The following CNTN4 variants were observed in gnomAD, a reference collection of about 807,000 sequenced individuals.
The protein encoded by CNTN4 is contactin-4.
CNTN4 carries 77 observed loss-of-function variants against 122.5 expected under a neutral mutation model. That is an observed-to-expected ratio of 0.63 (90% CI 0.52 to 0.76). CNTN4 has a LOEUF of 0.76. Ranked by LOEUF, CNTN4 falls within the 30% of genes least tolerant of loss-of-function variation. The pLI is 0.00. For synonymous variants in CNTN4, 512 were observed against 447.0 expected (o/e 1.15, Z -1.83); for missense variants, 1,256 against 1,259.1 (o/e 1.00, Z 0.04).
chr3:2,531,901 G>A (rs930859292), intron 3 of CNTN4, among the ~76,000 whole-genome samples: 4 of 152,136 alleles, frequency 2.6e-5, no homozygotes, highest in Non-Finnish European at 4.4e-5. Flanking sequence ...GGCAGTGTTC[G>A]CTCTAATACT....
intron 7 of CNTN4, among the ~76,000 whole-genome samples, chr3:2,831,661 G>T (rs2093108127): frequency 6.6e-6 from 1 of 152,154 alleles, no homozygotes; most frequent in Non-Finnish European, 1.5e-5. Flanking sequence ...CCCTGGAAAG[G>T]AGTTGTGTCA....
chr3:2,225,644 C>T (rs971531003), intron 2 of CNTN4, among the ~76,000 whole-genome samples: 2 of 152,208 alleles, frequency 1.3e-5, no homozygotes, highest in African/African-American at 4.8e-5. Flanking sequence ...GCATGGGCCT[C>T]TTCCACAAGC....
chr3:2,233,162 C>CAT (rs1262283284), intron 2 of CNTN4, among the ~76,000 whole-genome samples: 1 of 152,228 alleles, frequency 6.6e-6, no homozygotes, highest in African/African-American at 2.4e-5. Flanking sequence ...AGTTATTAAA[C>CAT]ATATACCCAC....
At chr3:2,295,801 A>G (rs2150031122) in intron 2 of CNTN4, among the ~76,000 whole-genome samples, 1 of 152,098 alleles carries the variant, frequency 6.6e-6, no homozygotes, top group East Asian at 1.9e-4. Flanking sequence ...TAGGGTTTTT[A>G]TGTTTTTAGG....
chr3:2,984,278 G>A (rs553025758), intron 13 of CNTN4, among the ~76,000 whole-genome samples: 1 of 152,140 alleles, frequency 6.6e-6, no homozygotes, highest in African/African-American at 2.4e-5. Flanking sequence ...TTAAGTTAAC[G>A]AAATTTTCAC....
At chr3:2,331,765 G>T (rs1054717735) in intron 2 of CNTN4, among the ~76,000 whole-genome samples, 2 of 152,170 alleles carry the variant, frequency 1.3e-5, no homozygotes, top group African/African-American at 4.8e-5. Flanking sequence ...TCAAGACCCC[G>T]AGTTTTGGGT....
intron 4 of CNTN4, among the ~76,000 whole-genome samples, chr3:2,651,808 T>G (rs938166350): frequency 6.6e-6 from 1 of 151,416 alleles, no homozygotes; most frequent in African/African-American, 2.4e-5. Flanking sequence ...GTTCAAGCAA[T>G]TTTCCCTACT....
At chr3:2,459,565 G>A (rs190812924) in intron 3 of CNTN4, among the ~76,000 whole-genome samples, 4 of 152,152 alleles carry the variant, frequency 2.6e-5, no homozygotes, top group Admixed American at 2.0e-4. Flanking sequence ...AGCAACTCTC[G>A]TGATATGGCC....
intron 3 of CNTN4, among the ~76,000 whole-genome samples, chr3:2,353,934 A>C (rs1413493406): frequency 6.6e-6 from 1 of 151,676 alleles, no homozygotes; most frequent in Non-Finnish European, 1.5e-5. Flanking sequence ...AACAAAAAAA[A>C]CATAAAGGAG....
chr3:2,778,213 CAAATAAAT>C (rs60613605), intron 6 of CNTN4, among the ~76,000 whole-genome samples: 11,132 of 115,896 alleles, frequency 0.096, 577 homozygotes, highest in East Asian at 0.23. Flanking sequence ...GACTCCGTCT[CAAATAAAT>C]AAATAAATAA....
chr3:2,793,587 T>G (rs1284678377), intron 6 of CNTN4, among the ~76,000 whole-genome samples: 4 of 152,198 alleles, frequency 2.6e-5, no homozygotes, highest in Non-Finnish European at 5.9e-5. Context: ...CAGTTCTTAA[T>G]CACTGCTATT....
At chr3:2,262,173 C>T (rs1006053249) in intron 2 of CNTN4, among the ~76,000 whole-genome samples, 5 of 152,124 alleles carry the variant, frequency 3.3e-5, no homozygotes, top group East Asian at 1.9e-4. Context: ...TATAAAGTAA[C>T]GAGAGGAGAT....
intron 2 of CNTN4, among the ~76,000 whole-genome samples, chr3:2,307,587 G>A (rs1224279703): frequency 6.6e-6 from 1 of 150,508 alleles, no homozygotes; most frequent in Non-Finnish European, 1.5e-5. Flanking sequence ...TTCCTTCCAA[G>A]GATTTTCCTT....
chr3:2,590,871 T>TAA (rs559704619), intron 4 of CNTN4, among the ~76,000 whole-genome samples: 3 of 147,708 alleles, frequency 2.0e-5, no homozygotes, highest in Admixed American at 6.8e-5. Flanking sequence ...TCTCTTTTAT[T>TAA]AAAAAAAAAA....
intron 14 of CNTN4, chr3:2,999,102 T>G (rs1695801283): frequency 6.6e-6 from 1 of 152,252 alleles, no homozygotes; most frequent in African/African-American, 2.4e-5. Context: ...TAACTGTGTA[T>G]GTATCTGTTC....
chr3:2,382,936 A>C (rs1237699330), intron 3 of CNTN4, among the ~76,000 whole-genome samples: 3 of 152,042 alleles, frequency 2.0e-5, no homozygotes, highest in African/African-American at 7.2e-5. Context: ...TTAGCTGGGC[A>C]TGGTGGCAGG....
intron 3 of CNTN4, among the ~76,000 whole-genome samples, chr3:2,411,754 A>T (rs2047232986): frequency 6.6e-6 from 1 of 152,104 alleles, no homozygotes; most frequent in Admixed American, 6.6e-5. Flanking sequence ...TTACTATGTA[A>T]GTTTCAAATT....
At chr3:2,910,271 G>A (rs1207562587) in intron 12 of CNTN4, among the ~76,000 whole-genome samples, 5 of 152,200 alleles carry the variant, frequency 3.3e-5, no homozygotes, top group Non-Finnish European at 5.9e-5. Flanking sequence ...AATGCAGTGA[G>A]TCAGAGTTTA....
chr3:2,784,220 G>A (rs1392570599), intron 6 of CNTN4, among the ~76,000 whole-genome samples: 1 of 152,170 alleles, frequency 6.6e-6, no homozygotes, highest in African/African-American at 2.4e-5. Flanking sequence ...AACGGGGAAT[G>A]GATACAAGGC....
Sources: gnomAD v4.1 joint callset for allele counts (sites outside exome capture counted in the v4.1 genomes callset) on GRCh38, gnomAD v4.1.1 for gene constraint, MANE v1.5 for transcripts, NCBI Gene and HGNC (gene_info 2026-07-23, HGNC 2026-07-21) for gene names.